CNTN4: variants seen among roughly 807,000 people sequenced by gnomAD.
CNTN4 encodes the protein contactin-4.
A neutral mutation model predicts 122.5 loss-of-function variants in CNTN4; 77 were observed. The observed-to-expected ratio is 0.63, with a 90% confidence interval of 0.52 to 0.76. CNTN4 has a LOEUF of 0.76. CNTN4 is among the 30% of genes least tolerant of loss of function. The pLI, the probability that CNTN4 is intolerant of heterozygous loss-of-function variation, is 0.00. For synonymous variants in CNTN4, 512 were observed against 447.0 expected, an observed-to-expected ratio of 1.15 and a Z score of -1.83; for missense variants, 1,256 against 1,259.1, an observed-to-expected ratio of 1.00 and a Z score of 0.04.
chr3:2,904,450 T>A (rs902106769), intron 12 of CNTN4, among the ~76,000 whole-genome samples: 6 of 152,344 alleles, frequency 3.9e-5, no homozygotes, highest in Admixed American at 3.9e-4. Context: ...TAGCACTGAC[T>A]CAAATCCTAT....
At chr3:2,684,175 A>T (rs1025559804) in intron 4 of CNTN4, among the ~76,000 whole-genome samples, 10 of 152,180 alleles carry the variant, frequency 6.6e-5, no homozygotes, top group African/African-American at 2.4e-4. Context: ...AGGGGAAGCC[A>T]TTAACATCCA....
chr3:2,385,890 C>G lies in CNTN4; in HGVS notation c.-89+46657C>G, dbSNP rs1344088044. Among the ~76,000 whole-genome samples, 1 of 152,058 alleles carries G rather than the reference C, an allele frequency of 6.6e-6. No individual in the cohort carries two copies. The highest frequency in any genetic ancestry group is 1.5e-5 in the Non-Finnish European group (1 of 68,010). ...TTTAGCGACACAATTCAACCCATAACAATGTTCCATCAATATTTGATAAAT... is the reference window on the plus strand; with the variant it reads ...TTTAGCGACACAATTCAACCCATAAGAATGTTCCATCAATATTTGATAAAT... On this transcript the variant is annotated intron_variant, in intron 3 of 24. Transcript: ENST00000418658. The surrounding 1 kb of genome is among the most constrained non-coding windows in gnomAD (Gnocchi z 4.0).
At chr3:2,616,634 G>T (rs1467359786) in intron 4 of CNTN4, among the ~76,000 whole-genome samples, 1 of 152,082 alleles carries the variant, frequency 6.6e-6, no homozygotes. Context: ...AGTGTCACCA[G>T]CGTCTATTGT....
intron 4 of CNTN4, among the ~76,000 whole-genome samples, chr3:2,686,127 G>C (rs1270996633): frequency 6.6e-6 from 1 of 152,162 alleles, no homozygotes; most frequent in Non-Finnish European, 1.5e-5. Flanking sequence ...AGTGGTCAGG[G>C]AGTCCTGTTA....
At chr3:2,297,427 G>A (rs531480489) in intron 2 of CNTN4, among the ~76,000 whole-genome samples, 2 of 152,244 alleles carry the variant, frequency 1.3e-5, no homozygotes, top group Admixed American at 6.5e-5. Context: ...TGTGTTAAGA[G>A]GTTATGTTGT....
At chr3:3,039,898 T>C in intron 19 of CNTN4, 139 bp from the exon 20 acceptor site, 2 of 713,940 alleles carry the variant, frequency 2.8e-6, no homozygotes, top group Non-Finnish European at 5.2e-6. Flanking sequence ...AGCCCTAAAT[T>C]TAAAAGACTG....
chr3:2,634,058 T>C (rs2082554923), intron 4 of CNTN4, among the ~76,000 whole-genome samples: 1 of 152,208 alleles, frequency 6.6e-6, no homozygotes, highest in African/African-American at 2.4e-5. Context: ...CTGAGTTCTT[T>C]GGAGGATTTC....
intron 2 of CNTN4, among the ~76,000 whole-genome samples, chr3:2,255,629 GA>G (rs2149709260): frequency 6.6e-6 from 1 of 152,278 alleles, no homozygotes; most frequent in South Asian, 2.1e-4. Flanking sequence ...TCAGGATTAA[GA>G]AACTCACTCA....
intron 6 of CNTN4, among the ~76,000 whole-genome samples, chr3:2,781,972 C>G (rs2091609933): frequency 6.6e-6 from 1 of 151,190 alleles, no homozygotes; most frequent in Non-Finnish European, 1.5e-5. Flanking sequence ...ATCCCCCCGC[C>G]TCGGCCTCCC....
chr3:2,814,422 T>G (rs2092682809), intron 6 of CNTN4, among the ~76,000 whole-genome samples: 1 of 152,230 alleles, frequency 6.6e-6, no homozygotes, highest in African/African-American at 2.4e-5. Flanking sequence ...TGCTTCTTAA[T>G]AGAGTTGTTT....
chr3:2,452,014 A>G (rs554261491), intron 3 of CNTN4, among the ~76,000 whole-genome samples: 3 of 152,278 alleles, frequency 2.0e-5, no homozygotes, highest in South Asian at 2.1e-4. Context: ...AGTTTTCACC[A>G]TTCAAACTCT....
chr3:3,037,493 G>A, intron 18 of CNTN4, 165 bp downstream of exon 18: 2 of 929,354 alleles, frequency 2.2e-6, no homozygotes, highest in Non-Finnish European at 3.4e-6. Flanking sequence ...AAGCCCAGCT[G>A]AACACGCAAC....
At chr3:2,243,016 C>T (rs549381631) in intron 2 of CNTN4, among the ~76,000 whole-genome samples, 1 of 152,204 alleles carries the variant, frequency 6.6e-6, no homozygotes, top group African/African-American at 2.4e-5. Context: ...GCCTGGTATG[C>T]AGAATCTGGT....
At position 2,483,536 on chromosome 3, in the gene CNTN4, T is replaced by A. The variant is rs756780501; in HGVS notation, c.-88-87880T>A. Among the ~76,000 whole-genome samples the A allele has an allele frequency of 3.2e-4, 48 of 152,306 alleles. 1 individual carries two copies. In the Middle Eastern group the frequency reaches 0.017, roughly 54 times the overall value. ...CAGAATGATATGGTTTTGCTGTGTT[T>A]CCACCCAAACTTCATCTTGAGTTGT... On this transcript the variant is annotated intron_variant, in intron 3 of 24. Transcript: ENST00000418658.
At chr3:2,152,745 T>C (rs537136589) in intron 2 of CNTN4, among the ~76,000 whole-genome samples, 2 of 152,214 alleles carry the variant, frequency 1.3e-5, no homozygotes, top group South Asian at 4.1e-4. Context: ...CCTTCCTGAG[T>C]TAGGCTTGGC....
At chr3:2,958,965 T>C (rs1019767345) in intron 13 of CNTN4, among the ~76,000 whole-genome samples, 3 of 152,168 alleles carry the variant, frequency 2.0e-5, no homozygotes, top group African/African-American at 4.8e-5. Context: ...ACAAAAACCG[T>C]GCCTCCAGGG....
chr3:2,929,813 A>G (rs2094504411), intron 13 of CNTN4, among the ~76,000 whole-genome samples: 1 of 152,142 alleles, frequency 6.6e-6, no homozygotes, highest in Non-Finnish European at 1.5e-5. Flanking sequence ...CCCATCTCAA[A>G]CCACATGGAC....
chr3:2,705,210 T>A (rs1302330501), intron 4 of CNTN4, among the ~76,000 whole-genome samples: 2 of 149,938 alleles, frequency 1.3e-5, no homozygotes, highest in South Asian at 2.1e-4. Context: ...CTACTAAAAC[T>A]ACAAAAAATT....
chr3:2,240,772 A>G (rs1229343189), intron 2 of CNTN4, among the ~76,000 whole-genome samples: 1 of 152,202 alleles, frequency 6.6e-6, no homozygotes, highest in African/African-American at 2.4e-5. Context: ...ACTAGATATT[A>G]AAAATTATAT....
Sources: gnomAD v4.1 joint callset for allele counts (sites outside exome capture counted in the v4.1 genomes callset) on GRCh38, gnomAD v4.1.1 for gene constraint, Gnocchi (gnomAD v3.1) non-coding constraint, MANE v1.5 for transcripts, NCBI Gene and HGNC (gene_info 2026-07-23, HGNC 2026-07-21) for gene names.